Variants in VWF observed in about 807,000 individuals in gnomAD.
VWF encodes Factor VIII related antigen.
In VWF, 176 loss-of-function variants were observed where a neutral mutation model predicts 308.6. The observed-to-expected ratio is 0.57, with a 90% CI of 0.50 to 0.65. The LOEUF is 0.65. VWF is among the 30% of genes least tolerant of loss of function. The pLI, the probability that VWF is intolerant of heterozygous loss-of-function variation, is 0.00. For missense variants in VWF, 3,146 were observed against 3,648.2 expected, an observed-to-expected ratio of 0.86 and a Z score of 3.55; for synonymous variants, 1,385 against 1,443.4, an observed-to-expected ratio of 0.96 and a Z score of 0.92.
At chr12:5,987,762 T>C (rs753891979) in intron 38 of VWF, among the ~76,000 whole-genome samples, 1 of 152,232 alleles carries the variant, frequency 6.6e-6, no homozygotes, top group Non-Finnish European at 1.5e-5. Flanking sequence ...GTAGGCATGA[T>C]TCCATTTATG....
chr12:6,030,571 A>G (rs11611805), intron 21 of VWF, among the ~76,000 whole-genome samples: 38,167 of 152,058 alleles, frequency 0.25, 5,129 homozygotes, highest in African/African-American at 0.32. Flanking sequence ...CTTTAAACAC[A>G]GGTTCCTGGG....
chr12:6,052,852 TG>T, intron 15 of VWF, 69 bp from the exon 16 acceptor site: 1 of 1,564,076 alleles, frequency 6.4e-7, no homozygotes, highest in Non-Finnish European at 8.7e-7. Context: ...TTCTAGGACT[TG>T]CCACCCCTTG....
rs186559034 is a variant in VWF, at chr12:6,018,767, G to A, written c.4651C>T (p.Pro1551Ser). 4.2e-5 allele frequency: 67 copies of A among 1,613,444 alleles called. No individual in the cohort carries two copies. The highest frequency in any genetic ancestry group is 8.5e-7 in the Non-Finnish European group (1 of 1,179,846). ...QYSYMVTVEYPFSEAQSKGDI... is the reference protein window; with the variant it reads ...QYSYMVTVEYSFSEAQSKGDI... ...CCTTTGGACTGTGCCTCGCTGAAGG[G>A]GTACTCCACAGTCACCATGTAGGAG... The change falls in exon 28 of 52, where the codon CCC (proline) becomes TCC (serine). Residue 1551 changes from proline (P) to serine (S), a missense_variant. Transcript: ENST00000261405.
Position 6,019,478 on chromosome 12 carries a change from C to T in VWF, c.3940G>A (p.Val1314Ile). The change falls in exon 28 of 52, where the codon GTC (valine) becomes ATC (isoleucine). Residue 1314 changes from valine (V) to isoleucine (I), a missense_variant. Val to Ile is a conservative substitution (Grantham distance 29, BLOSUM62 3). Transcript: ENST00000261405. This position sits in a 1 kb window ranked among gnomAD's most constrained non-coding sequence, Gnocchi z 5.8. ...TGGTACTCCACCACGGCCACGCGGA[C>T]CCACTTCTGGGAGATGCGCAGCCGC... ...MERLRISQKW[V>I]RVAVVEYHDG... 1 of 1,613,914 alleles carries T rather than the reference C, an allele frequency of 6.2e-7. No individual in the cohort carries two copies. Among genetic ancestry groups the T allele is most frequent in the African/African-American group, 1.3e-5 (1 of 75,044 alleles).
At chr12:6,086,054 T>C (rs973630190) in intron 6 of VWF, among the ~76,000 whole-genome samples, 1 of 152,166 alleles carries the variant, frequency 6.6e-6, no homozygotes, top group African/African-American at 2.4e-5. Flanking sequence ...TCTCCCATCC[T>C]GCACTCAGGT....
At chr12:6,025,097 A>G (rs943047018) in intron 24 of VWF, among the ~76,000 whole-genome samples, 2 of 152,254 alleles carry the variant, frequency 1.3e-5, no homozygotes, top group African/African-American at 4.8e-5. Flanking sequence ...AGATGAAGAC[A>G]CAAAAATAAG....
At chr12:5,964,989 C>A (rs1001253994) in intron 47 of VWF, among the ~76,000 whole-genome samples, 3 of 152,144 alleles carry the variant, frequency 2.0e-5, no homozygotes, top group African/African-American at 7.2e-5. Flanking sequence ...GTCTCCTACC[C>A]GGCAGGGCCA....
chr12:6,058,005 C>A lies in VWF; in HGVS notation c.1573G>T (p.Gly525Trp). The A allele has an allele frequency of 1.2e-6, 2 of 1,613,380 alleles. No individual in the cohort carries two copies. Among genetic ancestry groups the A allele is most frequent in the Non-Finnish European group, 1.7e-6 (2 of 1,180,044 alleles). ...TCGCCCTGGTTGCCATTGTAATTCCCACACAGGCCGCAGGTCTTCCCGGCA... is the reference window on the plus strand; with the variant it reads ...TCGCCCTGGTTGCCATTGTAATTCCAACACAGGCCGCAGGTCTTCCCGGCA... ...VYAGKTCGLC[G>W]NYNGNQGDDF... Residue 525 changes from glycine to tryptophan, a missense_variant, in exon 14 of 52, where the codon GGG becomes TGG. By Grantham distance (184) the Gly-to-Trp change is radical. Transcript: ENST00000261405. This position sits in a 1 kb window ranked among gnomAD's most constrained non-coding sequence, Gnocchi z 4.9.
In VWF at chr12:5,993,899, G is replaced by A. The variant is rs151250563; in HGVS notation, c.6561C>T (p.Asn2187=). ...IASYAHLCRT[N]GVCVDWRTPD... Reference sequence around the variant, plus strand: ...GTGTCCTCCAGTCAACGCAGACCCCGTTGGTCCGACAGAGGTGGGCATAAG... The same window carrying A: ...GTGTCCTCCAGTCAACGCAGACCCCATTGGTCCGACAGAGGTGGGCATAAG... Residue 2187 remains asparagine, a synonymous_variant, in exon 37 of 52, where the codon AAC becomes AAT. Coordinates refer to ENST00000261405, the MANE Select transcript of VWF (RefSeq NM_000552.5). 13 of 1,613,788 alleles carry A rather than the reference G, an allele frequency of 8.1e-6. No individual in the cohort carries two copies. The highest frequency in any genetic ancestry group is 2.2e-5 in the South Asian group (2 of 91,066).
rs566879983 is a variant in VWF at position 5,953,244 on chromosome 12, A to T, written c.7986+252T>A. On this transcript the variant is annotated intron_variant, in intron 48 of 51. Transcript: ENST00000261405. ...CCATCTCAAGAAAGAAAAAAAAAAG[A>T]TCAATCAACTCCAAATTGTGAGGCC... Among the ~76,000 whole-genome samples, 3 of 152,180 alleles carry T rather than the reference A, an allele frequency of 2.0e-5. No homozygotes were observed. In the East Asian group the frequency reaches 5.8e-4, roughly 29 times the overall value.
chr12:6,081,006 G>C (rs1565856393), intron 6 of VWF, among the ~76,000 whole-genome samples: 1 of 152,140 alleles, frequency 6.6e-6, no homozygotes, highest in Non-Finnish European at 1.5e-5. Flanking sequence ...GGCATCTCTG[G>C]CTCTTACCAT....
chr12:5,953,700 C>T, intron 47 of VWF, 106 bp from the exon 48 acceptor site: 3 of 910,356 alleles, frequency 3.3e-6, no homozygotes, highest in South Asian at 2.7e-5. Context: ...CCAGTAGTTT[C>T]ACCTAGAATT....
intron 40 of VWF, among the ~76,000 whole-genome samples, chr12:5,983,837 A>AGGATAGATG (rs1943641604): frequency 6.8e-6 from 1 of 147,068 alleles, no homozygotes; most frequent in Non-Finnish European, 1.5e-5. Flanking sequence ...ATAGATGATA[A>AGGATAGATG]ATAGATATAT....
At chr12:6,118,376 CTTTTTTTTTTTT>C (rs71064189) in intron 3 of VWF, among the ~76,000 whole-genome samples, 17 of 65,514 alleles carry the variant, frequency 2.6e-4, no homozygotes, top group African/African-American at 8.5e-4. Flanking sequence ...CCTCTGGTCA[CTTTTTTTTTTTT>C]TTTTTTTTTT....
intron 47 of VWF, among the ~76,000 whole-genome samples, chr12:5,955,506 T>G (rs1011031991): frequency 6.6e-6 from 1 of 152,184 alleles, no homozygotes; most frequent in East Asian, 1.9e-4. Context: ...CTGAGAATGA[T>G]GATTTCCAGT....
At chr12:6,044,940 G>A (rs190477671) in intron 17 of VWF, among the ~76,000 whole-genome samples, 41 of 152,146 alleles carry the variant, frequency 2.7e-4, no homozygotes, top group Non-Finnish European at 4.9e-4. Flanking sequence ...CACTCCATGC[G>A]AATTTGCAAC....
chr12:5,985,313 G>C (rs1163262039), intron 39 of VWF, among the ~76,000 whole-genome samples, 194 bp from the exon 40 acceptor site: 1 of 152,178 alleles, frequency 6.6e-6, no homozygotes, highest in Non-Finnish European at 1.5e-5. Flanking sequence ...ACCCTCCAGG[G>C]GACTCTTAAG....
chr12:5,949,795 G>A lies in VWF; in HGVS notation c.8244C>T (p.His2748=), dbSNP rs1166947217. ...GAAGCAGAGCCCTTACCTGGCAGTA[G>A]TGGATATCCACCTCTACTTCAGACT... ...SCKSEVEVDI[H]YCQGKCASKA... Residue 2748 remains histidine, a synonymous_variant, in exon 51 of 52, where the codon CAC becomes CAT. Transcript: ENST00000261405. 5.6e-6 allele frequency: 9 copies of A among 1,614,078 alleles called. No individual in the cohort carries two copies. In the East Asian group the frequency reaches 2.0e-4, roughly 36 times the overall value.
At chr12:6,103,441 TAC>T (rs1471944668) in intron 5 of VWF, among the ~76,000 whole-genome samples, 2 of 113,020 alleles carry the variant, frequency 1.8e-5, no homozygotes, top group African/African-American at 4.1e-5. Flanking sequence ...CGTGTGTATA[TAC>T]ATACACATAT....
Sources: allele counts gnomAD v4.1 joint callset (sites outside exome capture counted in the v4.1 genomes callset), GRCh38; gene constraint gnomAD v4.1.1; non-coding constraint Gnocchi (gnomAD v3.1); transcripts MANE v1.5; gene names NCBI Gene and HGNC (gene_info 2026-07-23, HGNC 2026-07-21).